The following SLC25A48 variants were observed in gnomAD, a reference collection of about 807,000 sequenced individuals.
SLC25A48 encodes the protein CTC-321K16.1.
Under a neutral mutation model 32.2 loss-of-function variants are expected in SLC25A48, and 29 were observed. The ratio of observed to expected loss-of-function variants is 0.90; its 90% CI spans 0.67 to 1.23. The LOEUF (loss-of-function observed/expected upper bound fraction) is 1.23. Ranked by LOEUF, SLC25A48 falls within the 50% of genes most tolerant of loss-of-function variation. SLC25A48 has a pLI of 0.00. For synonymous variants in SLC25A48, 164 were observed against 172.3 expected (o/e 0.95, Z 0.38); for missense variants, 399 against 422.7 (o/e 0.94, Z 0.49).
rs114663013 is a variant in SLC25A48 at position 135,813,734 on chromosome 5, A to G, written c.-117+808A>G. Among the ~76,000 whole-genome samples the G allele has an allele frequency of 9.3e-3, 1,410 of 152,308 alleles. 24 individuals carry two copies. Among genetic ancestry groups the G allele is most frequent in the African/African-American group, 0.032 (1,341 of 41,560 alleles). On this transcript the variant is annotated intron_variant, in intron 4 of 10. Transcript: ENST00000646290. ...AGAGGGAAAATTAAACACAACATCA[A>G]TCCTTTCAGGCAGAAATCCTGGGCG...
chr5:135,873,843 GC>G (rs1192743133), intron 5 of SLC25A48, among the ~76,000 whole-genome samples, 177 bp from the exon 6 acceptor site: 1 of 152,192 alleles, frequency 6.6e-6, no homozygotes, highest in East Asian at 1.9e-4. Flanking sequence ...GGAAACTTCT[GC>G]CAAGTCTCAC....
intron 3 of SLC25A48, among the ~76,000 whole-genome samples, chr5:135,805,240 G>A (rs1757436104): frequency 6.7e-6 from 1 of 149,834 alleles, no homozygotes; most frequent in South Asian, 2.1e-4. Context: ...GTGTACACCC[G>A]GGATATTATT....
chr5:135,834,356 C>T (rs1758325143), upstream of SLC25A48, among the ~76,000 whole-genome samples: 1 of 152,338 alleles, frequency 6.6e-6, no homozygotes, highest in East Asian at 1.9e-4. Flanking sequence ...AAAGGCATCA[C>T]TGCCCAGAGT....
At chr5:135,639,558 TAATATA>T (rs1234446767) in intron 3 of SLC25A48, among the ~76,000 whole-genome samples, 4 of 152,076 alleles carry the variant, frequency 2.6e-5, no homozygotes, top group Non-Finnish European at 5.9e-5. Flanking sequence ...TTTGGGAGCT[TAATATA>T]AATATAAGAG....
intron 1 of SLC25A48, among the ~76,000 whole-genome samples, chr5:135,612,478 A>G (rs543822185): frequency 1.6e-4 from 25 of 152,248 alleles, no homozygotes; most frequent in African/African-American, 4.6e-4. Context: ...TATAACTTCT[A>G]TCTATCTGTA....
In SLC25A48 at chr5:135,791,648, C is replaced by A. The variant is rs1454136889; in HGVS notation, c.-520-20875C>A. 2.6e-5 allele frequency among the ~76,000 whole-genome samples: 4 copies of A among 151,474 alleles called. No homozygotes were observed. The East Asian group carries it at 5.8e-4, about 22-fold the overall frequency. On this transcript the variant is annotated intron_variant, in intron 3 of 10. Transcript: ENST00000646290. ...TCCTAATGTCACAGAGGGTGTACAT[C>A]CTGTGATATTACTGGTAATATTATA...
In SLC25A48 at chr5:135,624,279, C is replaced by T. The variant is rs893999110; in HGVS notation, c.-848-4958C>T. Among the ~76,000 whole-genome samples the T allele has an allele frequency of 9.9e-5, 15 of 152,232 alleles. No individual in the cohort carries two copies. The East Asian group carries it at 1.5e-3, about 16-fold the overall frequency. On this transcript the variant is annotated intron_variant, in intron 1 of 10. Coordinates refer to the SLC25A48 transcript ENST00000646290. ...CCGTCCCAGAGCATCTAGAGGCAGGCGAGCAAACCGGGGCTACCCACAAGT... is the reference window on the plus strand; with the variant it reads ...CCGTCCCAGAGCATCTAGAGGCAGGTGAGCAAACCGGGGCTACCCACAAGT...
rs185829013 is a variant in SLC25A48, at chr5:135,597,631, A to G, written c.-849+18034A>G. Among the ~76,000 whole-genome samples the G allele has an allele frequency of 9.5e-4, 145 of 152,362 alleles. 1 individual carries two copies. Among genetic ancestry groups the G allele is most frequent in the Admixed American group, 2.3e-3 (35 of 15,308 alleles). On this transcript the variant is annotated intron_variant, in intron 1 of 10. Transcript: ENST00000646290. ...TCTCAAATCTGGTGTGAGTGCATCC[A>G]ATTGGTGGCACATAGTTCACATCCT...
chr5:135,649,079 A>G (rs969380467), intron 3 of SLC25A48: 4 of 152,238 alleles, frequency 2.6e-5, no homozygotes, highest in African/African-American at 9.7e-5. Flanking sequence ...TTCTTGTTGG[A>G]GCCATGCGAC....
rs937226748 is a variant in SLC25A48, at chr5:135,871,474, G to A, written c.435G>A (p.Leu145=). 6.3e-7 allele frequency: 1 copy of A among 1,590,302 alleles called. No individual in the cohort carries two copies. The highest frequency in any genetic ancestry group is 1.3e-5 in the African/African-American group (1 of 74,634). The change falls in exon 5 of 8, where the codon TTG becomes TTA. Residue 145 remains leucine (L), a synonymous_variant. Coordinates refer to ENST00000681962, the MANE Select transcript of SLC25A48 (RefSeq NM_001349336.2). ...CTGTCTTTGCAGCCAACCTCGGTTT[G>A]AAGTCCAGGGCAGTGGCTCCTGCGG... ...TQPFRDANLG[L]KSRAVAPAEQ...
At chr5:135,733,403 G>A (rs754981465) in intron 3 of SLC25A48, among the ~76,000 whole-genome samples, 9 of 152,172 alleles carry the variant, frequency 5.9e-5, no homozygotes, top group South Asian at 4.1e-4. Context: ...GTGGGAGGCC[G>A]GATTGAAGTC....
At chr5:135,579,223 T>G (rs1000341601) in exon 1 of SLC25A48, 13 of 238,524 alleles carry the variant, frequency 5.5e-5, no homozygotes, top group African/African-American at 2.7e-4. Context: ...ACCCTCTCGC[T>G]CACACAACAC....
At chr5:135,582,202 A>G (rs1403938023) in intron 1 of SLC25A48, among the ~76,000 whole-genome samples, 1 of 152,078 alleles carries the variant, frequency 6.6e-6, no homozygotes, top group African/African-American at 2.4e-5. Flanking sequence ...GACCCCAGGG[A>G]TTTGCTTATT....
chr5:135,879,611 AGTGTGT>A (rs775091968), intron 6 of SLC25A48, among the ~76,000 whole-genome samples: 24 of 119,500 alleles, frequency 2.0e-4, no homozygotes, highest in African/African-American at 9.0e-4. Flanking sequence ...AGAGAGAGAG[AGTGTGT>A]GTGTGTGTGT....
At chr5:135,827,890 C>A (rs1196063412) in intron 4 of SLC25A48, among the ~76,000 whole-genome samples, 1 of 152,132 alleles carries the variant, frequency 6.6e-6, no homozygotes, top group Non-Finnish European at 1.5e-5. Flanking sequence ...CCTCACTGCC[C>A]CCAAAGGAAC....
intron 3 of SLC25A48, among the ~76,000 whole-genome samples, chr5:135,658,001 G>C (rs1235305904): frequency 6.6e-6 from 1 of 152,164 alleles, no homozygotes; most frequent in Non-Finnish European, 1.5e-5. Flanking sequence ...TGGGGACACA[G>C]AGCCAAACCA....
chr5:135,771,235 C>T (rs551676552), intron 3 of SLC25A48, among the ~76,000 whole-genome samples: 8 of 151,396 alleles, frequency 5.3e-5, no homozygotes, highest in African/African-American at 1.7e-4. Flanking sequence ...GATATTACTC[C>T]CCATATCACG....
intron 3 of SLC25A48, among the ~76,000 whole-genome samples, chr5:135,779,255 G>C (rs1232294892): frequency 6.6e-6 from 1 of 152,106 alleles, no homozygotes; most frequent in African/African-American, 2.4e-5. Flanking sequence ...TATCTAAGGG[G>C]AGAGAGGCTG....
intron 3 of SLC25A48, among the ~76,000 whole-genome samples, chr5:135,771,244 C>A (rs755623714): frequency 6.6e-6 from 1 of 151,350 alleles, no homozygotes; most frequent in East Asian, 2.0e-4. Flanking sequence ...CCCCATATCA[C>A]GGGAATTGTA....
Sources: gnomAD v4.1 joint callset for allele counts (sites outside exome capture counted in the v4.1 genomes callset) on GRCh38, gnomAD v4.1.1 for gene constraint, MANE v1.5 for transcripts, NCBI Gene and HGNC (gene_info 2026-07-23, HGNC 2026-07-21) for gene names.